FSTL4: variants seen among roughly 807,000 people sequenced by gnomAD.
FSTL4 encodes the protein follistatin-related protein 4.
In FSTL4, 28 loss-of-function variants were observed where a neutral mutation model predicts 78.2. The ratio of observed to expected loss-of-function variants is 0.36; its 90% CI spans 0.27 to 0.49. The LOEUF (loss-of-function observed/expected upper bound fraction) is 0.49. Among genes scored for constraint, FSTL4 ranks in the 20% least tolerant of loss-of-function variants. The pLI, the probability that FSTL4 is intolerant of heterozygous loss-of-function variation, is 0.98. For missense variants in FSTL4, 922 were observed against 1,084.9 expected (o/e 0.85, Z 2.11); for synonymous variants, 422 against 440.5 (o/e 0.96, Z 0.53).
intron 3 of FSTL4, among the ~76,000 whole-genome samples, chr5:133,565,193 C>G (rs1019436638): frequency 6.6e-6 from 1 of 152,190 alleles, no homozygotes; most frequent in Non-Finnish European, 1.5e-5. Flanking sequence ...GAGCTGGGAA[C>G]CAACCCAGGT....
At chr5:133,234,708 C>T (rs547791512) in intron 7 of FSTL4, among the ~76,000 whole-genome samples, 1 of 152,294 alleles carries the variant, frequency 6.6e-6, no homozygotes, top group South Asian at 2.1e-4. Flanking sequence ...GAACTCAGGA[C>T]ATCCAGGATT....
chr5:133,659,171 T>C, the FSTL4 span, among the ~76,000 whole-genome samples: 47 of 152,268 alleles, frequency 3.1e-4, no homozygotes, highest in African/African-American at 1.1e-3. Flanking sequence ...TTTGTATGCT[T>C]CAAGTATTAG....
chr5:133,388,777 G>A (rs1286452671), intron 4 of FSTL4, among the ~76,000 whole-genome samples: 1 of 151,640 alleles, frequency 6.6e-6, no homozygotes, highest in African/African-American at 2.4e-5. Context: ...AGGTCTTTAA[G>A]ATAACCAATC....
intron 4 of FSTL4, among the ~76,000 whole-genome samples, chr5:133,375,312 A>ATATATATATATATATATATATAT (rs1554109201): frequency 2.3e-3 from 316 of 134,532 alleles, no homozygotes; most frequent in African/African-American, 3.3e-3. Flanking sequence ...ATATATATAT[A>ATATATATATATATATATATATAT]AAAGACTCTA....
chr5:133,379,763 T>C (rs751787803), intron 4 of FSTL4, among the ~76,000 whole-genome samples: 13 of 152,152 alleles, frequency 8.5e-5, no homozygotes, highest in Non-Finnish European at 1.5e-4. Context: ...GAGAAACTTG[T>C]AGCTATTAAT....
intron 6 of FSTL4, among the ~76,000 whole-genome samples, chr5:133,282,967 T>C (rs1007519935): frequency 2.0e-5 from 3 of 152,196 alleles, no homozygotes; most frequent in African/African-American, 7.2e-5. Flanking sequence ...TTAACACTTG[T>C]TAAGTTCTGA....
intron 3 of FSTL4, among the ~76,000 whole-genome samples, chr5:133,537,714 G>A (rs1759377625): frequency 6.6e-6 from 1 of 151,664 alleles, no homozygotes. Flanking sequence ...AGCAAGAATA[G>A]TATAAGGATC....
intron 2 of FSTL4, among the ~76,000 whole-genome samples, chr5:133,581,569 A>T (rs1374183082): frequency 1.3e-5 from 2 of 152,236 alleles, no homozygotes; most frequent in African/African-American, 2.4e-5. Flanking sequence ...AGGCACAGGG[A>T]AGCTTTGTCC....
intron 6 of FSTL4, among the ~76,000 whole-genome samples, chr5:133,263,198 TTCTG>T (rs1353647866): frequency 3.3e-5 from 5 of 152,060 alleles, no homozygotes; most frequent in African/African-American, 1.2e-4. Context: ...AGATGCAGAG[TTCTG>T]TCTTTAACCA....
chr5:133,260,392 G>A (rs1752489740), intron 6 of FSTL4, among the ~76,000 whole-genome samples: 1 of 152,250 alleles, frequency 6.6e-6, no homozygotes, highest in South Asian at 2.1e-4. Context: ...TTTGTAAACA[G>A]GCATCTGCAG....
At chr5:133,412,992 C>CT (rs1756509574) in intron 3 of FSTL4, among the ~76,000 whole-genome samples, 1 of 152,050 alleles carries the variant, frequency 6.6e-6, no homozygotes, top group African/African-American at 2.4e-5. Context: ...CTGTGGTCCT[C>CT]TTTCTCTCTT....
At chr5:133,232,533 T>C (rs974283613) in intron 8 of FSTL4, among the ~76,000 whole-genome samples, 2 of 152,210 alleles carry the variant, frequency 1.3e-5, no homozygotes, top group African/African-American at 4.8e-5. Flanking sequence ...CACCCCCGTA[T>C]CTACCCTACC....
chr5:133,682,808 C>T, the FSTL4 span, among the ~76,000 whole-genome samples: 8 of 152,170 alleles, frequency 5.3e-5, no homozygotes, highest in South Asian at 2.1e-4. Context: ...TGAGAGGCTG[C>T]GTCATAGCCT....
At chr5:133,831,671 T>C in the FSTL4 span, among the ~76,000 whole-genome samples, 3 of 152,340 alleles carry the variant, frequency 2.0e-5, no homozygotes, top group East Asian at 5.8e-4. Flanking sequence ...CATAAGGAAG[T>C]AGGAAAGACT....
At chr5:133,460,523 C>T (rs1757571524) in intron 3 of FSTL4, among the ~76,000 whole-genome samples, 1 of 152,214 alleles carries the variant, frequency 6.6e-6, no homozygotes, top group African/African-American at 2.4e-5. Flanking sequence ...AGCTCCAGGG[C>T]TCTATTCCTA....
chr5:133,730,970 G>A, the FSTL4 span, among the ~76,000 whole-genome samples: 1 of 152,196 alleles, frequency 6.6e-6, no homozygotes, highest in African/African-American at 2.4e-5. Flanking sequence ...GCAGACTCTG[G>A]ACCTGACTAG....
intron 4 of FSTL4, among the ~76,000 whole-genome samples, chr5:133,347,652 C>T (rs1256031960): frequency 1.3e-5 from 2 of 152,236 alleles, no homozygotes; most frequent in Non-Finnish European, 2.9e-5. Context: ...AGCCACTGAG[C>T]TCAGCCTTGA....
intron 2 of FSTL4, among the ~76,000 whole-genome samples, chr5:133,600,979 T>G (rs1760853743): frequency 6.6e-6 from 1 of 152,254 alleles, no homozygotes; most frequent in Admixed American, 6.5e-5. Flanking sequence ...TGGTTTGGAC[T>G]GTGAGTTATC....
At chr5:133,763,510 C>T in the FSTL4 span, among the ~76,000 whole-genome samples, 1 of 152,144 alleles carries the variant, frequency 6.6e-6, no homozygotes, top group African/African-American at 2.4e-5. Flanking sequence ...CCCTCTGAGC[C>T]TCCTCCATGC....
Sources: allele counts gnomAD v4.1 joint callset (sites outside exome capture counted in the v4.1 genomes callset), GRCh38; gene constraint gnomAD v4.1.1; transcripts MANE v1.5; gene names NCBI Gene and HGNC (gene_info 2026-07-23, HGNC 2026-07-21).